Variants in FLT3LG observed in about 807,000 individuals in gnomAD.
FLT3LG encodes the protein fms related receptor tyrosine kinase 3 ligand.
Under a neutral mutation model 30.9 loss-of-function variants are expected in FLT3LG, and 8 were observed. That is an observed-to-expected ratio of 0.26 (90% CI 0.15 to 0.47). The LOEUF is 0.47. Among genes scored for constraint, FLT3LG ranks in the 20% least tolerant of loss-of-function variants. FLT3LG has a pLI of 0.99. For synonymous variants in FLT3LG, 123 were observed against 135.9 expected (o/e 0.91, Z 0.66); for missense variants, 278 against 306.2 (o/e 0.91, Z 0.69).
rs769003253 is a variant in FLT3LG at position 49,476,616 on chromosome 19, C to G, written c.342+50C>G. On this transcript the variant is annotated intron_variant, in intron 5 of 8. Transcript: ENST00000597551. The surrounding 1 kb of genome is among the most constrained non-coding windows in gnomAD (Gnocchi z 5.3). ...GTGAGGGGAGGGAGATGCCTTCCTA[C>G]GAATTAGAAGTAAAGCTCCACTAGG... 8.1e-6 allele frequency: 13 copies of G among 1,610,662 alleles called. No homozygotes were observed. The highest frequency in any genetic ancestry group is 5.9e-6 in the Non-Finnish European group (7 of 1,178,718).
Position 49,478,951 on chromosome 19 carries a change from C to G in FLT3LG, c.385C>G (p.Arg129Gly), listed in dbSNP as rs769895049. The G allele has an allele frequency of 9.6e-6, 15 of 1,570,628 alleles. No individual in the cohort carries two copies. The change falls in exon 6 of 9, where the codon CGC (arginine) becomes GGC (glycine). Residue 129 changes from arginine (R) to glycine (G), a missense_variant. Around this residue, in one of 3 missense-constraint regions of FLT3LG, gnomAD observed 170 missense variants for 162.0 expected, o/e 1.05. Coordinates refer to ENST00000597551, the MANE Select transcript of FLT3LG (RefSeq NM_001459.4). ...TCGCTTCGTCCAGACCAACATCTCCCGCCTCCTGCAGGAGACCTCCGAGCA... is the reference window on the plus strand; with the variant it reads ...TCGCTTCGTCCAGACCAACATCTCCGGCCTCCTGCAGGAGACCTCCGAGCA... ...CLRFVQTNIS[R>G]LLQETSEQLV...
intron 6 of FLT3LG, 142 bp from the exon 7 acceptor site, chr19:49,480,156 C>T: frequency 1.6e-6 from 1 of 629,216 alleles, no homozygotes; most frequent in Middle Eastern, 4.4e-4. Context: ...AATGATTATC[C>T]TAGTTTTACA....
intron 1 of FLT3LG, 57 bp from the exon 2 acceptor site, chr19:49,474,546 G>T: frequency 7.6e-7 from 1 of 1,317,814 alleles, no homozygotes; most frequent in African/African-American, 1.4e-5. Context: ...CAAAGGGGCG[G>T]GCAGGGCAGG....
intron 8 of FLT3LG, among the ~76,000 whole-genome samples, chr19:49,484,731 G>A (rs1426778558): frequency 1.3e-5 from 2 of 151,832 alleles, no homozygotes; most frequent in Non-Finnish European, 2.9e-5. Flanking sequence ...TCCTGACCTC[G>A]TGATCTGCCC....
At chr19:49,477,430 C>A (rs1601085423) in intron 5 of FLT3LG, among the ~76,000 whole-genome samples, 1 of 151,978 alleles carries the variant, frequency 6.6e-6, no homozygotes, top group East Asian at 1.9e-4. Context: ...AGCGACAGAG[C>A]AAGACCCTGT....
At chr19:49,480,141 G>T (rs1034717854) in intron 6 of FLT3LG, among the ~76,000 whole-genome samples, 157 bp from the exon 7 acceptor site, 1 of 152,196 alleles carries the variant, frequency 6.6e-6, no homozygotes, top group Non-Finnish European at 1.5e-5. Context: ...TGATGAGGTA[G>T]GTACAATGAT....
intron 8 of FLT3LG, 98 bp downstream of exon 8, chr19:49,480,718 G>C: frequency 7.7e-7 from 1 of 1,300,296 alleles, no homozygotes; most frequent in Non-Finnish European, 1.1e-6. Context: ...GGAGGGGCAG[G>C]GGCAGCTCTA....
At chr19:49,474,694 G>C (rs2079311517) in intron 2 of FLT3LG, 22 bp downstream of exon 2, 3 of 1,610,782 alleles carry the variant, frequency 1.9e-6, no homozygotes, top group Middle Eastern at 1.7e-4. Flanking sequence ...CCAGGGACAA[G>C]ATCAGGGGAG....
chr19:49,485,003 C>T (rs756834352), intron 8 of FLT3LG, among the ~76,000 whole-genome samples: 7 of 151,778 alleles, frequency 4.6e-5, no homozygotes, highest in Non-Finnish European at 5.9e-5. Context: ...GGAAGAATGG[C>T]TTGAACCCGG....
At chr19:49,474,756 G>A in intron 2 of FLT3LG, 84 bp downstream of exon 2, 3 of 1,420,540 alleles carry the variant, frequency 2.1e-6, no homozygotes, top group African/African-American at 1.4e-5. Context: ...ATGGACGGGA[G>A]AACAGATGGA....
chr19:49,477,178 C>G (rs1420147375), intron 5 of FLT3LG, among the ~76,000 whole-genome samples: 1 of 152,082 alleles, frequency 6.6e-6, no homozygotes, highest in Non-Finnish European at 1.5e-5. Flanking sequence ...CAGTGGCTCA[C>G]ACCTGTAATC....
chr19:49,476,318 C>T lies in FLT3LG; in HGVS notation c.199-105C>T. ...CAAACCCAGGAATCAGAGTCCTCAGCCCCTCCTCCCTCAGACCCAGGAGCC... is the reference window on the plus strand; with the variant it reads ...CAAACCCAGGAATCAGAGTCCTCAGTCCCTCCTCCCTCAGACCCAGGAGCC... On this transcript the variant is annotated intron_variant, in intron 4 of 8. Transcript: ENST00000597551. This position sits in a 1 kb window ranked among gnomAD's most constrained non-coding sequence, Gnocchi z 5.3. 2 of 1,454,950 alleles carry T rather than the reference C, an allele frequency of 1.4e-6. No individual in the cohort carries two copies. Among genetic ancestry groups the T allele is most frequent in the South Asian group, 1.1e-5 (1 of 87,612 alleles). 90.1% of individuals were successfully genotyped at this position (1,454,950 alleles called of 1,614,324 possible). A position where few individuals can be genotyped will look rare whatever the true frequency, so the allele number is the denominator to read the frequency against.
chr19:49,478,844 C>CT (rs1484394422), intron 5 of FLT3LG, 65 bp from the exon 6 acceptor site: 9 of 1,413,958 alleles, frequency 6.4e-6, no homozygotes, highest in Non-Finnish European at 8.4e-6. Context: ...AGGGAAGGGC[C>CT]TTTGGCCTGC....
intron 5 of FLT3LG, among the ~76,000 whole-genome samples, chr19:49,478,601 C>T (rs1002250670): frequency 1.3e-5 from 2 of 151,988 alleles, no homozygotes; most frequent in Non-Finnish European, 2.9e-5. Flanking sequence ...GGAGAAACCC[C>T]GTCTCTACTA....
intron 8 of FLT3LG, among the ~76,000 whole-genome samples, chr19:49,485,801 A>G (rs921674859): frequency 1.3e-5 from 2 of 152,296 alleles, no homozygotes; most frequent in Non-Finnish European, 2.9e-5. Flanking sequence ...TATAGGCATG[A>G]GCCACCGCGC....
intron 2 of FLT3LG, among the ~76,000 whole-genome samples, chr19:49,475,407 C>T (rs935660631): frequency 7.3e-6 from 1 of 136,114 alleles, no homozygotes; most frequent in Admixed American, 8.4e-5. Context: ...GGAAACCAGA[C>T]GTGAAGATGA....
At chr19:49,482,796 T>A (rs896819058) in intron 8 of FLT3LG, among the ~76,000 whole-genome samples, 1 of 151,728 alleles carries the variant, frequency 6.6e-6, no homozygotes, top group Non-Finnish European at 1.5e-5. Context: ...CCCGGCTAAT[T>A]TTTTGTGTTT....
chr19:49,482,679 G>A (rs962047661), intron 8 of FLT3LG, among the ~76,000 whole-genome samples: 1 of 151,060 alleles, frequency 6.6e-6, no homozygotes, highest in African/African-American at 2.4e-5. Context: ...CCAGGTTGAA[G>A]TGCAGTGGTG....
intron 8 of FLT3LG, chr19:49,481,994 A>C (rs987205504): frequency 2.6e-5 from 4 of 151,342 alleles, no homozygotes; most frequent in African/African-American, 9.7e-5. Context: ...TTCCTGGCCC[A>C]TGCTGGGCTT....
Sources: allele counts gnomAD v4.1 joint callset (sites outside exome capture counted in the v4.1 genomes callset), GRCh38; gene constraint gnomAD v4.1.1; regional missense constraint gnomAD v4.1.1; non-coding constraint Gnocchi (gnomAD v3.1); transcripts MANE v1.5; gene names NCBI Gene and HGNC (gene_info 2026-07-23, HGNC 2026-07-21).